Variants in STAU2 observed in about 807,000 individuals in gnomAD.
STAU2 encodes the protein staufen double-stranded RNA binding protein 2.
Under a neutral mutation model 65.9 loss-of-function variants are expected in STAU2, and 20 were observed. The observed-to-expected ratio is 0.30, with a 90% CI of 0.21 to 0.44. The LOEUF is 0.44. STAU2 is among the 20% of genes least tolerant of loss of function. The probability of loss-of-function intolerance (pLI) is 1.00; values close to 1 mark genes in which losing one functional copy is unlikely to be tolerated. For synonymous variants in STAU2, 232 were observed against 233.9 expected (o/e 0.99, Z 0.07); for missense variants, 558 against 683.9 (o/e 0.82, Z 2.05).
chr8:73,673,381 T>C (rs1817821413), intron 5 of STAU2, 139 bp from the exon 6 acceptor site: 2 of 912,208 alleles, frequency 2.2e-6, no homozygotes, highest in Non-Finnish European at 2.9e-6. Context: ...TCTAAGGAAC[T>C]GCGAAAACAA....
At position 73,688,743 on chromosome 8, in the gene STAU2, T is replaced by G. The variant is rs770379758; in HGVS notation, c.185A>C (p.Gln62Pro). 1.2e-6 allele frequency: 2 copies of G among 1,614,246 alleles called. No homozygotes were observed. The highest frequency in any genetic ancestry group is 1.7e-6 in the Non-Finnish European group (2 of 1,180,048). Residue 62 changes from glutamine to proline, a missense_variant, in exon 5 of 15, where the codon CAG becomes CCG. Gln to Pro is a moderately conservative substitution (Grantham distance 76). Transcript: ENST00000524300. ...CAAAGCTTTATTGGCAACAGCCTGCTGAGCCTTCTTTATACTGCTGCCTTC... is the reference window on the plus strand; with the variant it reads ...CAAAGCTTTATTGGCAACAGCCTGCGGAGCCTTCTTTATACTGCTGCCTTC... ...ESEGSSIKKA[Q>P]QAVANKALTE...
intron 6 of STAU2, among the ~76,000 whole-genome samples, chr8:73,672,828 T>C (rs1315220186): frequency 3.3e-5 from 5 of 151,572 alleles, no homozygotes; most frequent in Admixed American, 3.3e-4. Flanking sequence ...TGGTCTTCCC[T>C]GCAACAAATA....
chr8:73,425,403 A>T (rs1190535655), intron 13 of STAU2, among the ~76,000 whole-genome samples: 1 of 152,166 alleles, frequency 6.6e-6, no homozygotes, highest in Non-Finnish European at 1.5e-5. Flanking sequence ...ATTGCCAGCA[A>T]AGCACTCGAA....
chr8:73,457,620 T>C (rs1819138891), intron 13 of STAU2, among the ~76,000 whole-genome samples: 1 of 152,272 alleles, frequency 6.6e-6, no homozygotes, highest in Non-Finnish European at 1.5e-5. Flanking sequence ...CGCCAAGGCT[T>C]TGCTCAGAAT....
chr8:73,651,983 G>A (rs1458275257), intron 6 of STAU2, among the ~76,000 whole-genome samples: 1 of 152,178 alleles, frequency 6.6e-6, no homozygotes, highest in African/African-American at 2.4e-5. Context: ...CAAAAGGGTT[G>A]GTTTAGGAAG....
chr8:73,669,686 T>C (rs1055472283), intron 6 of STAU2, among the ~76,000 whole-genome samples: 3 of 150,168 alleles, frequency 2.0e-5, no homozygotes, highest in Non-Finnish European at 4.4e-5. Flanking sequence ...TTCACACTGC[T>C]TTTTCTCTCT....
At chr8:73,558,164 A>G (rs548336747) in intron 12 of STAU2, among the ~76,000 whole-genome samples, 80 of 152,336 alleles carry the variant, frequency 5.3e-4, no homozygotes, top group Non-Finnish European at 9.9e-4. Context: ...AGGAAACTAA[A>G]TGCAACATCT....
chr8:73,718,378 A>G (rs1396559474), intron 3 of STAU2, among the ~76,000 whole-genome samples: 1 of 152,228 alleles, frequency 6.6e-6, no homozygotes, highest in Non-Finnish European at 1.5e-5. Context: ...TTTAAACATC[A>G]AAATAACCAT....
intron 12 of STAU2, among the ~76,000 whole-genome samples, chr8:73,564,081 C>T (rs376616154): frequency 3.9e-5 from 6 of 152,120 alleles, no homozygotes; most frequent in Admixed American, 6.5e-5. Flanking sequence ...AGCTTAGTGC[C>T]GGGAGAGAGC....
intron 11 of STAU2, among the ~76,000 whole-genome samples, chr8:73,589,673 CAA>C (rs1810628089): frequency 6.6e-6 from 1 of 152,112 alleles, no homozygotes; most frequent in East Asian, 1.9e-4. Context: ...AGAAATTACT[CAA>C]ACTGTTTAAT....
chr8:73,517,228 G>A (rs1382783452), intron 13 of STAU2, among the ~76,000 whole-genome samples: 1 of 151,976 alleles, frequency 6.6e-6, no homozygotes, highest in Non-Finnish European at 1.5e-5. Flanking sequence ...ACCAGGCTGG[G>A]TAACTAAGAA....
chr8:73,747,376 C>T, upstream of STAU2: 2 of 1,535,286 alleles, frequency 1.3e-6, no homozygotes, highest in Non-Finnish European at 1.7e-6. Context: ...GCTCTGATTC[C>T]CCGCTCGTAC....
In STAU2 at chr8:73,603,807, T is replaced by C. The variant is rs759284598; in HGVS notation, c.948A>G (p.Gln316=). The change falls in exon 10 of 15, where the codon CAA becomes CAG. Residue 316 remains glutamine (Q), a synonymous_variant. Transcript: ENST00000524300. The part of the protein sequence containing the change: ...MNPISRLAQI[Q]QAKKEKEPDY... ...CCGGCTCCTTTTCCTTTTTGGCCTG[T>C]TGAATTTGCGCCAGGCGGCTAATAG... is the stretch of plus-strand genomic sequence containing the variant. 6.2e-7 allele frequency: 1 copy of C among 1,612,152 alleles called. No individual in the cohort carries two copies. The highest frequency in any genetic ancestry group is 8.5e-7 in the Non-Finnish European group (1 of 1,179,906).
chr8:73,495,354 C>T (rs1263099938), intron 13 of STAU2, among the ~76,000 whole-genome samples: 1 of 151,048 alleles, frequency 6.6e-6, no homozygotes, highest in Non-Finnish European at 1.5e-5. Flanking sequence ...AAGTATTCTG[C>T]CATTTAATTG....
intron 6 of STAU2, among the ~76,000 whole-genome samples, chr8:73,632,180 T>G (rs542981249): frequency 1.3e-5 from 2 of 152,258 alleles, no homozygotes; most frequent in South Asian, 2.1e-4. Flanking sequence ...AGAACTGATT[T>G]GGATTTAGAA....
intron 3 of STAU2, among the ~76,000 whole-genome samples, chr8:73,733,161 A>G (rs550340052): frequency 3.9e-5 from 6 of 152,140 alleles, no homozygotes; most frequent in African/African-American, 1.4e-4. Context: ...TAGGCCTTAA[A>G]GCTTCCTCTT....
chr8:73,427,755 G>A (rs1217573734), intron 13 of STAU2, among the ~76,000 whole-genome samples: 1 of 152,214 alleles, frequency 6.6e-6, no homozygotes, highest in Admixed American at 6.5e-5. Flanking sequence ...CCTTTTTCCA[G>A]ATATTCCCAT....
At chr8:73,470,063 T>G (rs955406463) in intron 13 of STAU2, among the ~76,000 whole-genome samples, 1 of 152,214 alleles carries the variant, frequency 6.6e-6, no homozygotes, top group African/African-American at 2.4e-5. Context: ...CCTTAGTTTC[T>G]TTTTAAACAG....
chr8:73,714,940 G>A lies in STAU2; in HGVS notation c.-17-5778C>T, dbSNP rs188308484. Among the ~76,000 whole-genome samples the A allele has an allele frequency of 2.4e-3, 365 of 152,026 alleles. 5 individuals carry two copies. The highest frequency in any genetic ancestry group is 0.014 in the Middle Eastern group (4 of 292). ...CTACAAAAATATACAAATTAGCCAG[G>A]CATGATGGCGGGTGCCTGTAATCCC... On this transcript the variant is annotated intron_variant, in intron 3 of 14. Coordinates refer to ENST00000524300, the MANE Select transcript of STAU2 (RefSeq NM_001164380.2).
Sources: allele counts gnomAD v4.1 joint callset (sites outside exome capture counted in the v4.1 genomes callset), GRCh38; gene constraint gnomAD v4.1.1; transcripts MANE v1.5; gene names NCBI Gene and HGNC (gene_info 2026-07-23, HGNC 2026-07-21).